The following LRP6 variants were observed in gnomAD, a reference collection of about 807,000 sequenced individuals.
LRP6 encodes low-density lipoprotein receptor-related protein 6.
A neutral mutation model predicts 184.1 loss-of-function variants in LRP6; 43 were observed. That is an observed-to-expected ratio of 0.23 (90% confidence interval 0.18 to 0.30). LRP6 has a LOEUF of 0.30. LRP6 is among the 10% of genes least tolerant of loss of function. The pLI, the probability that LRP6 is intolerant of heterozygous loss-of-function variation, is 1.00. For synonymous variants in LRP6, 719 were observed against 684.9 expected (o/e 1.05, Z -0.78); for missense variants, 1,571 against 2,005.3 (o/e 0.78, Z 4.14).
rs1863408958 is a variant in LRP6, at chr12:12,184,037, G to T, written c.919C>A (p.Gln307Lys). Residue 307 changes from glutamine (Q) to lysine (K), a missense_variant, in exon 5 of 23, where the codon CAG becomes AAG. Gln to Lys is a moderately conservative substitution (Grantham distance 53). Coordinates refer to ENST00000261349, the MANE Select transcript of LRP6 (RefSeq NM_002336.3). ...CLMSPVKPFY[Q>K]CACPTGVKLL... Reference sequence around the variant, plus strand: ...TTGACCCCAGTGGGGCAAGCACACTGATAAAAAGGCTTGACTGGAGACATC... The same window carrying T: ...TTGACCCCAGTGGGGCAAGCACACTTATAAAAAGGCTTGACTGGAGACATC... The T allele has an allele frequency of 6.8e-6, 11 of 1,613,314 alleles. No homozygotes were observed. Among genetic ancestry groups the T allele is most frequent in the Non-Finnish European group, 8.5e-6 (10 of 1,179,302 alleles).
At chr12:12,238,574 C>A (rs1864980468) in intron 2 of LRP6, among the ~76,000 whole-genome samples, 1 of 152,090 alleles carries the variant, frequency 6.6e-6, no homozygotes, top group Non-Finnish European at 1.5e-5. Flanking sequence ...CAATGCAATA[C>A]AGACTTAATC....
intron 9 of LRP6, 110 bp downstream of exon 9, chr12:12,164,163 A>T: frequency 1.0e-6 from 1 of 964,194 alleles, no homozygotes; most frequent in Non-Finnish European, 1.6e-6. Context: ...GTTTTTGTTG[A>T]ACTCTGCCTG....
intron 1 of LRP6, among the ~76,000 whole-genome samples, chr12:12,265,841 T>A (rs1865743003): frequency 6.6e-6 from 1 of 152,186 alleles, no homozygotes; most frequent in African/African-American, 2.4e-5. Flanking sequence ...TGCCATCGAA[T>A]TCAAGCGATT....
At chr12:12,213,611 T>C (rs1864267303) in intron 2 of LRP6, among the ~76,000 whole-genome samples, 2 of 152,158 alleles carry the variant, frequency 1.3e-5, no homozygotes, top group South Asian at 2.1e-4. Flanking sequence ...ACGTTTTCAT[T>C]TGATGTTTAA....
At chr12:12,188,390 TGAAGGGAAAAGG>T (rs1863531629) in intron 3 of LRP6, among the ~76,000 whole-genome samples, 1 of 150,318 alleles carries the variant, frequency 6.7e-6, no homozygotes. Flanking sequence ...GAAAGAAAAA[TGAAGGGAAAAGG>T]GAAGGGAAAG....
intron 2 of LRP6, among the ~76,000 whole-genome samples, chr12:12,235,136 A>G (rs983978219): frequency 6.6e-6 from 1 of 152,198 alleles, no homozygotes; most frequent in Non-Finnish European, 1.5e-5. Flanking sequence ...CGTTTCTCAC[A>G]ATGGTGGTAT....
chr12:12,205,037 G>A (rs1358349434), intron 2 of LRP6, among the ~76,000 whole-genome samples: 1 of 151,342 alleles, frequency 6.6e-6, no homozygotes, highest in Admixed American at 6.6e-5. Context: ...ATTTTCAAAA[G>A]TTAATGAGGA....
intron 3 of LRP6, among the ~76,000 whole-genome samples, chr12:12,199,031 A>G (rs955254041): frequency 2.0e-5 from 3 of 152,186 alleles, no homozygotes; most frequent in African/African-American, 4.8e-5. Flanking sequence ...AAATACAAAA[A>G]CCATGCAACA....
intron 9 of LRP6, among the ~76,000 whole-genome samples, chr12:12,162,701 T>A (rs563313730): frequency 2.6e-5 from 4 of 152,268 alleles, no homozygotes; most frequent in African/African-American, 9.6e-5. Context: ...ACTTTTAAAA[T>A]TTATCAGTAA....
intron 2 of LRP6, among the ~76,000 whole-genome samples, chr12:12,225,704 G>C (rs374041098): frequency 1.3e-5 from 2 of 151,538 alleles, no homozygotes; most frequent in Admixed American, 1.3e-4. Flanking sequence ...AAACCCCATC[G>C]CTACTAAAAA....
intron 3 of LRP6, among the ~76,000 whole-genome samples, chr12:12,193,951 A>G (rs1863683533): frequency 6.6e-6 from 1 of 152,116 alleles, no homozygotes; most frequent in Non-Finnish European, 1.5e-5. Flanking sequence ...TCAACAGAAT[A>G]TTAGCAAACC....
intron 7 of LRP6, among the ~76,000 whole-genome samples, chr12:12,173,538 T>C (rs1330601880): frequency 2.6e-5 from 4 of 152,034 alleles, no homozygotes; most frequent in Non-Finnish European, 5.9e-5. Context: ...AGATGGGGTT[T>C]TGCCATGTTG....
Position 12,181,102 on chromosome 12 carries a change from C to T in LRP6, c.1314G>A (p.Lys438=), listed in dbSNP as rs1204598782. 3.7e-6 allele frequency: 6 copies of T among 1,613,984 alleles called. No homozygotes were observed. The highest frequency in any genetic ancestry group is 5.1e-6 in the Non-Finnish European group (6 of 1,179,988). ...CCTCTAAGTCCTCTGAAATCAAGAT[C>T]TTCCTCATGGTCCCATTGAGCCTTG... ...EVTRLNGTMR[K]ILISEDLEEP... The change falls in exon 6 of 23, where the codon AAG becomes AAA. Residue 438 remains lysine (K), a synonymous_variant. Transcript: ENST00000261349.
intron 7 of LRP6, among the ~76,000 whole-genome samples, chr12:12,167,889 G>A (rs926188109): frequency 6.6e-6 from 1 of 151,892 alleles, no homozygotes; most frequent in Admixed American, 6.6e-5. Flanking sequence ...GAAAATAAAA[G>A]ACCAAAACAA....
At chr12:12,232,462 G>A (rs1179480306) in intron 2 of LRP6, among the ~76,000 whole-genome samples, 1 of 151,586 alleles carries the variant, frequency 6.6e-6, no homozygotes, top group South Asian at 2.1e-4. Flanking sequence ...AATCTCTCTG[G>A]AGGAATATGC....
chr12:12,211,641 G>C (rs1864213508), intron 2 of LRP6, among the ~76,000 whole-genome samples: 1 of 152,150 alleles, frequency 6.6e-6, no homozygotes, highest in Non-Finnish European at 1.5e-5. Context: ...GCTTGTGACA[G>C]TATGCATCAT....
Position 12,147,360 on chromosome 12 carries a change from G to A in LRP6, c.3397+6C>T. The A allele has an allele frequency of 6.2e-7, 1 of 1,613,662 alleles. No homozygotes were observed. Among genetic ancestry groups the A allele is most frequent in the South Asian group, 1.1e-5 (1 of 91,056 alleles). On this transcript the variant is annotated splice_donor_region_variant and intron_variant, in intron 15 of 22. Transcript: ENST00000261349. Reference sequence around the variant, plus strand: ...ATTAAAATAAGGAAACATATTTCTTGGGTACCTGAGAGATCACTGCTTTCA... The same window carrying A: ...ATTAAAATAAGGAAACATATTTCTTAGGTACCTGAGAGATCACTGCTTTCA...
In LRP6 at chr12:12,164,256, C is replaced by T. The variant is rs766828313; in HGVS notation, c.2052+17G>A. On this transcript the variant is annotated intron_variant, in intron 9 of 22. Coordinates refer to ENST00000261349, the MANE Select transcript of LRP6 (RefSeq NM_002336.3). ...CCTTTTAGTCCCTAGCTTTAATATT[C>T]CAATTCTTTTGCTAACCTTGAGTGA... The T allele has an allele frequency of 6.2e-7, 1 of 1,611,262 alleles. No homozygotes were observed. The highest frequency in any genetic ancestry group is 8.5e-7 in the Non-Finnish European group (1 of 1,178,760).
At chr12:12,198,424 A>C (rs534303855) in intron 3 of LRP6, among the ~76,000 whole-genome samples, 1 of 151,634 alleles carries the variant, frequency 6.6e-6, no homozygotes, top group African/African-American at 2.4e-5. Flanking sequence ...ACCTCTATTT[A>C]AAGGTTTTTT....
Sources: allele counts gnomAD v4.1 joint callset (sites outside exome capture counted in the v4.1 genomes callset), GRCh38; gene constraint gnomAD v4.1.1; transcripts MANE v1.5; gene names NCBI Gene and HGNC (gene_info 2026-07-23, HGNC 2026-07-21).